NRXN1: variants seen among roughly 807,000 people sequenced by gnomAD.
NRXN1 encodes the protein neurexin 1, also known as neurexin-1.
In NRXN1, 39 loss-of-function variants were observed where a neutral mutation model predicts 150.9. The observed-to-expected ratio is 0.26, with a 90% CI of 0.20 to 0.34. The LOEUF (loss-of-function observed/expected upper bound fraction) is 0.34. Ranked by LOEUF, NRXN1 falls within the 10% of genes least tolerant of loss-of-function variation. The pLI, the probability that NRXN1 is intolerant of heterozygous loss-of-function variation, is 1.00. For synonymous variants in NRXN1, 924 were observed against 757.0 expected (o/e 1.22, Z -3.62); for missense variants, 1,815 against 1,949.9 (o/e 0.93, Z 1.30).
chr2:50,538,399 G>A lies in NRXN1; in HGVS notation c.1997C>T (p.Ala666Val). The change falls in exon 10 of 23, where the codon GCT becomes GTT. Residue 666 changes from alanine to valine, a missense_variant. Around this residue, in one of 6 missense-constraint regions of NRXN1, gnomAD observed 638 missense variants for 652.6 expected, o/e 0.98. Coordinates refer to ENST00000401669, the MANE Select transcript of NRXN1 (RefSeq NM_001330078.2). The part of the protein sequence containing the change: ...IRQMAEVQST[A>V]GVKPSCSKET... ...CTTTGAGCAGGAAGGCTTCACTCCA[G>A]CAGTACTTTGAACTTCAGCCATTTG... 1 of 1,613,980 alleles carries A rather than the reference G, an allele frequency of 6.2e-7. No homozygotes were observed. The highest frequency in any genetic ancestry group is 8.5e-7 in the Non-Finnish European group (1 of 1,179,872).
intron 12 of NRXN1, among the ~76,000 whole-genome samples, chr2:50,510,704 G>C (rs1322119160): frequency 6.6e-6 from 1 of 151,992 alleles, no homozygotes; most frequent in Non-Finnish European, 1.5e-5. Flanking sequence ...TAAAAGTGTT[G>C]AGCGAATTAT....
At chr2:50,424,219 G>GAGA (rs1229065528) in intron 17 of NRXN1, among the ~76,000 whole-genome samples, 1,283 of 107,210 alleles carry the variant, frequency 0.012, 44 homozygotes, top group African/African-American at 0.049. Flanking sequence ...GGAGGAGAAG[G>GAGA]AGAAGAAGAA....
chr2:50,953,205 T>C (rs1691686939), intron 2 of NRXN1, among the ~76,000 whole-genome samples: 1 of 152,200 alleles, frequency 6.6e-6, no homozygotes, highest in South Asian at 2.1e-4. Flanking sequence ...GTTGAAATTC[T>C]GATTTAGCCA....
chr2:50,220,002 T>TCCTA (rs2063756360), intron 18 of NRXN1, among the ~76,000 whole-genome samples: 1 of 35,612 alleles, frequency 2.8e-5, no homozygotes, highest in Non-Finnish European at 5.1e-5. Context: ...TAATATATAT[T>TCCTA]ATATAATATA....
intron 5 of NRXN1, among the ~76,000 whole-genome samples, chr2:50,904,912 GGCTCTTCAAGTC>G (rs1304889309): frequency 1.3e-5 from 2 of 151,990 alleles, no homozygotes; most frequent in African/African-American, 4.8e-5. Context: ...CTTATATCCA[GGCTCTTCAAGTC>G]GCCTTCAGTT....
intron 5 of NRXN1, among the ~76,000 whole-genome samples, chr2:50,695,270 G>T (rs1381296413): frequency 6.6e-6 from 1 of 152,164 alleles, no homozygotes; most frequent in South Asian, 2.1e-4. Context: ...ATTATTTACC[G>T]ACAAATGTGA....
intron 18 of NRXN1, among the ~76,000 whole-genome samples, chr2:50,233,628 A>G (rs529920935): frequency 6.6e-6 from 1 of 152,200 alleles, no homozygotes; most frequent in Admixed American, 6.5e-5. Context: ...TACATAGTAT[A>G]CTTCACTGAC....
At chr2:50,388,540 A>C (rs2081475697) in intron 17 of NRXN1, among the ~76,000 whole-genome samples, 1 of 152,144 alleles carries the variant, frequency 6.6e-6, no homozygotes, top group Non-Finnish European at 1.5e-5. Flanking sequence ...GTATCCTGAC[A>C]GTCAAAACAT....
chr2:50,122,629 C>T (rs1400005902), intron 18 of NRXN1, among the ~76,000 whole-genome samples: 1 of 152,258 alleles, frequency 6.6e-6, no homozygotes. Flanking sequence ...GGCTGCTTGT[C>T]TCAGTGTGTT....
At chr2:50,708,129 C>T (rs779787674) in intron 5 of NRXN1, among the ~76,000 whole-genome samples, 2 of 152,056 alleles carry the variant, frequency 1.3e-5, no homozygotes, top group Non-Finnish European at 2.9e-5. Context: ...GGCCAACACT[C>T]AAGATTAGAA....
At chr2:50,648,078 A>G (rs1444914739) in intron 5 of NRXN1, among the ~76,000 whole-genome samples, 1 of 152,008 alleles carries the variant, frequency 6.6e-6, no homozygotes. Context: ...TAAATAATTA[A>G]TTTAGACTCA....
intron 5 of NRXN1, among the ~76,000 whole-genome samples, chr2:50,778,678 G>C (rs1306325272): frequency 6.6e-6 from 1 of 152,144 alleles, no homozygotes; most frequent in African/African-American, 2.4e-5. Context: ...ACTAGAAAGA[G>C]GGATATGTTC....
At chr2:51,010,182 G>C (rs896869632) in intron 2 of NRXN1, among the ~76,000 whole-genome samples, 2 of 152,062 alleles carry the variant, frequency 1.3e-5, no homozygotes, top group Admixed American at 1.3e-4. Flanking sequence ...CCTCAAGATG[G>C]AGAGTCACCA....
chr2:50,898,466 T>C (rs1216028749), intron 5 of NRXN1: 3 of 285,400 alleles, frequency 1.1e-5, no homozygotes, highest in Non-Finnish European at 2.1e-5. Context: ...AAGAGTTTTA[T>C]TTTCAAAGTT....
intron 5 of NRXN1, among the ~76,000 whole-genome samples, chr2:50,825,451 T>C (rs760246686): frequency 3.3e-5 from 5 of 152,138 alleles, no homozygotes; most frequent in Admixed American, 6.5e-5. Context: ...GCTAAGTTGA[T>C]AACCAATGAC....
At chr2:50,040,076 T>C (rs936008691) in intron 21 of NRXN1, among the ~76,000 whole-genome samples, 10 of 152,106 alleles carry the variant, frequency 6.6e-5, no homozygotes, top group African/African-American at 2.2e-4. Flanking sequence ...AGAATCCTCA[T>C]AATCCAAATA....
chr2:50,286,197 C>A (rs2072141297), intron 17 of NRXN1, among the ~76,000 whole-genome samples: 1 of 152,108 alleles, frequency 6.6e-6, no homozygotes, highest in African/African-American at 2.4e-5. Flanking sequence ...TTGTTAACTG[C>A]AGTCACCATG....
intron 17 of NRXN1, among the ~76,000 whole-genome samples, chr2:50,348,744 T>C (rs2078217294): frequency 6.6e-6 from 1 of 152,184 alleles, no homozygotes; most frequent in Admixed American, 6.5e-5. Flanking sequence ...CCACAGGCAC[T>C]GGATGCTGGT....
intron 2 of NRXN1, among the ~76,000 whole-genome samples, chr2:50,964,413 G>C (rs1693718100): frequency 6.6e-6 from 1 of 151,452 alleles, no homozygotes. Flanking sequence ...TCTATTCCTT[G>C]AAGATGGTGA....
Sources: gnomAD v4.1 joint callset for allele counts (sites outside exome capture counted in the v4.1 genomes callset) on GRCh38, gnomAD v4.1.1 for gene constraint, gnomAD v4.1.1 regional missense constraint, MANE v1.5 for transcripts, NCBI Gene and HGNC (gene_info 2026-07-23, HGNC 2026-07-21) for gene names.